The following PTH2R variants were observed in gnomAD, a reference collection of about 807,000 sequenced individuals.
The protein encoded by PTH2R is parathyroid hormone 2 receptor, also known as PTH2 receptor.
Under a neutral mutation model 60.3 loss-of-function variants are expected in PTH2R, and 59 were observed. That is an observed-to-expected ratio of 0.98 (90% CI 0.79 to 1.22). The LOEUF (loss-of-function observed/expected upper bound fraction) is 1.22, where lower values mean the gene tolerates loss of function less well. PTH2R is among the 50% of genes most tolerant of loss of function. The pLI is 0.00. For missense variants in PTH2R, 749 were observed against 682.6 expected, an observed-to-expected ratio of 1.10 and a Z score of -1.08; for synonymous variants, 256 against 243.8, an observed-to-expected ratio of 1.05 and a Z score of -0.47.
intron 8 of PTH2R, among the ~76,000 whole-genome samples, chr2:208,451,629 C>G (rs1490671482): frequency 6.6e-6 from 1 of 152,052 alleles, no homozygotes; most frequent in Non-Finnish European, 1.5e-5. Context: ...ATATTTAATG[C>G]AAACTGTGGG....
chr2:208,390,970 G>C (rs1701098561), intron 1 of PTH2R, among the ~76,000 whole-genome samples: 1 of 152,152 alleles, frequency 6.6e-6, no homozygotes, highest in African/African-American at 2.4e-5. Context: ...TGGTCCCTTA[G>C]CTCTCCAAGG....
intron 12 of PTH2R, 99 bp from the exon 13 acceptor site, chr2:208,493,165 G>A: frequency 7.9e-7 from 1 of 1,270,758 alleles, no homozygotes; most frequent in Non-Finnish European, 1.0e-6. Flanking sequence ...CTCAATCAAT[G>A]ATTATTGCTG....
At chr2:208,378,337 T>C (rs1248203040) in intron 1 of PTH2R, among the ~76,000 whole-genome samples, 2 of 151,802 alleles carry the variant, frequency 1.3e-5, no homozygotes, top group East Asian at 3.9e-4. Flanking sequence ...AGTCCAGCTT[T>C]GGCTCGGCAT....
At chr2:208,377,500 G>A (rs550245474) in intron 1 of PTH2R, among the ~76,000 whole-genome samples, 10 of 149,588 alleles carry the variant, frequency 6.7e-5, no homozygotes, top group East Asian at 2.0e-4. Flanking sequence ...GGGTGGAGGC[G>A]GGCCCCCACC....
At chr2:208,450,861 A>C in intron 8 of PTH2R, 52 bp downstream of exon 8, 20 of 1,570,682 alleles carry the variant, frequency 1.3e-5, no homozygotes, top group Non-Finnish European at 1.7e-5. Flanking sequence ...CTCAAGACTC[A>C]GGCTTCCTGC....
At chr2:208,447,939 C>CT (rs551794920) in intron 7 of PTH2R, among the ~76,000 whole-genome samples, 4 of 151,904 alleles carry the variant, frequency 2.6e-5, no homozygotes, top group African/African-American at 4.8e-5. Context: ...AAAGGTATCT[C>CT]TTTTTTTTAT....
At chr2:208,388,171 C>T (rs1051822793) in intron 1 of PTH2R, among the ~76,000 whole-genome samples, 5 of 140,612 alleles carry the variant, frequency 3.6e-5, no homozygotes, top group African/African-American at 1.0e-4. Context: ...AAAAAATTAG[C>T]CGGGCGTGGT....
At chr2:208,432,663 G>A (rs1271593424) in intron 2 of PTH2R, among the ~76,000 whole-genome samples, 1 of 152,166 alleles carries the variant, frequency 6.6e-6, no homozygotes, top group Admixed American at 6.5e-5. Flanking sequence ...TTAAGTCCAA[G>A]AGCCTCAAAA....
intron 9 of PTH2R, among the ~76,000 whole-genome samples, chr2:208,461,185 AG>A: frequency 6.6e-6 from 1 of 152,166 alleles, no homozygotes; most frequent in Admixed American, 6.5e-5. Flanking sequence ...CATATATCCT[AG>A]GAGAAGCTCA....
intron 1 of PTH2R, among the ~76,000 whole-genome samples, chr2:208,363,758 C>T (rs1032331903): frequency 6.6e-6 from 1 of 152,160 alleles, no homozygotes; most frequent in African/African-American, 2.4e-5. Flanking sequence ...TTGCATTTCT[C>T]TGATGATTAG....
At position 208,361,093 on chromosome 2, in the gene PTH2R, G is replaced by C. The variant is rs532291970; in HGVS notation, c.-259+856G>C. 1.6e-5 allele frequency: 3 copies of C among 182,242 alleles called. No individual in the cohort carries two copies. In the South Asian group the frequency reaches 3.6e-4, roughly 22 times the overall value. 11.3% of individuals were successfully genotyped at this position (182,242 alleles called of 1,614,324 possible). A position where few individuals can be genotyped will look rare whatever the true frequency, so the allele number is the denominator to read the frequency against. On this transcript the variant is annotated intron_variant, in intron 1 of 12. Transcript: ENST00000617735. Reference sequence around the variant, plus strand: ...CCGCCCACAGCAAACTTGTCCTGTGGGCCCAGCACACACAGCAGGCAGTGG... The same window carrying C: ...CCGCCCACAGCAAACTTGTCCTGTGCGCCCAGCACACACAGCAGGCAGTGG...
intron 1 of PTH2R, among the ~76,000 whole-genome samples, chr2:208,381,931 T>TA (rs1280252190): frequency 1.3e-5 from 2 of 152,098 alleles, no homozygotes; most frequent in Admixed American, 1.3e-4. Flanking sequence ...AGGAATTTGT[T>TA]AGAGAGCAAG....
chr2:208,428,579 G>A (rs1315566023), intron 2 of PTH2R, among the ~76,000 whole-genome samples: 1 of 152,220 alleles, frequency 6.6e-6, no homozygotes, highest in Non-Finnish European at 1.5e-5. Context: ...TTCAGGGTTT[G>A]TCTGCCTGTA....
intron 7 of PTH2R, among the ~76,000 whole-genome samples, chr2:208,447,572 A>G (rs1702312329): frequency 6.8e-6 from 1 of 147,150 alleles, no homozygotes; most frequent in Non-Finnish European, 1.5e-5. Context: ...TGGGTGACAG[A>G]GCGAGACTCC....
intron 4 of PTH2R, 116 bp from the exon 5 acceptor site, chr2:208,442,248 A>C: frequency 1.3e-6 from 1 of 775,272 alleles, no homozygotes; most frequent in South Asian, 1.6e-5. Context: ...TGCAAATTAC[A>C]GCTTAAAAAA....
chr2:208,473,580 A>G (rs1702931207), intron 9 of PTH2R, among the ~76,000 whole-genome samples: 1 of 152,136 alleles, frequency 6.6e-6, no homozygotes, highest in Non-Finnish European at 1.5e-5. Context: ...ATGTGATCAG[A>G]CACTTTAGAA....
intron 1 of PTH2R, among the ~76,000 whole-genome samples, chr2:208,388,075 C>T (rs935315300): frequency 5.3e-5 from 8 of 150,166 alleles, no homozygotes; most frequent in Non-Finnish European, 8.9e-5. Context: ...TTTGGGAGGC[C>T]GAGGTGGGCG....
At chr2:208,408,671 T>TGA (rs1701469654) in intron 1 of PTH2R, among the ~76,000 whole-genome samples, 2 of 124,342 alleles carry the variant, frequency 1.6e-5, no homozygotes, top group Admixed American at 9.5e-5. Flanking sequence ...GGCAACAAAG[T>TGA]GAGACCCTGT....
rs146017582 is a variant in PTH2R, at chr2:208,448,566, G to A, written c.854-2183G>A. 3.3e-3 allele frequency among the ~76,000 whole-genome samples: 492 copies of A among 150,558 alleles called. 3 individuals are homozygous for A. Among genetic ancestry groups the A allele is most frequent in the African/African-American group, 0.011 (468 of 40,844 alleles). On this transcript the variant is annotated intron_variant, in intron 7 of 12. Transcript: ENST00000272847. ...AGAGTATGGTGTGAACCCGGGAGGC[G>A]GAGCTTGCAGTGAGCCGGGATCATG... is the stretch of plus-strand genomic sequence containing the variant.
Sources: gnomAD v4.1 joint callset for allele counts (sites outside exome capture counted in the v4.1 genomes callset) on GRCh38, gnomAD v4.1.1 for gene constraint, MANE v1.5 for transcripts, NCBI Gene and HGNC (gene_info 2026-07-23, HGNC 2026-07-21) for gene names.